CAGE1: variants seen among roughly 807,000 people sequenced by gnomAD.
CAGE1 encodes the protein cancer antigen 1, also known as cancer-associated gene 1 protein.
A neutral mutation model predicts 94.9 loss-of-function variants in CAGE1; 66 were observed. That is an observed-to-expected ratio of 0.70 (90% CI 0.57 to 0.85). The LOEUF is 0.85. Ranked by LOEUF, CAGE1 falls within the 40% of genes least tolerant of loss-of-function variation. The pLI is 0.00. For synonymous variants in CAGE1, 319 were observed against 321.0 expected (o/e 0.99, Z 0.07); for missense variants, 865 against 950.4 (o/e 0.91, Z 1.18).
intron 11 of CAGE1, chr6:7,340,837 C>G (rs928371376): frequency 7.3e-5 from 30 of 410,052 alleles, no homozygotes; most frequent in African/African-American, 6.1e-4. Context: ...GCTTCACTAG[C>G]AAAGCCTGCT....
chr6:7,337,243 C>T (rs1758985815), intron 11 of CAGE1, among the ~76,000 whole-genome samples: 1 of 149,100 alleles, frequency 6.7e-6, no homozygotes, highest in Non-Finnish European at 1.5e-5. Context: ...AGGAGAATCA[C>T]TTGAACCTGG....
At position 7,386,196 on chromosome 6, in the gene CAGE1, T is replaced by C. The variant is rs969782654; in HGVS notation, c.196-324A>G. The stretch of plus-strand genomic sequence containing the variant: ...ATAATTATTTGATGTTTATTAAATC[T>C]AGTCTAAACAGCATTAAGATGGTTA... On this transcript the variant is annotated intron_variant, in intron 2 of 13. Coordinates refer to ENST00000502583, the MANE Select transcript of CAGE1 (RefSeq NM_001170692.2). 5.7e-5 allele frequency among the ~76,000 whole-genome samples: 8 copies of C among 140,434 alleles called. No individual in the cohort carries two copies. In the East Asian group the frequency reaches 1.7e-3, roughly 29 times the overall value. 92.1% of individuals were successfully genotyped at this position (140,434 alleles called of 152,430 possible). A position where few individuals can be genotyped will look rare whatever the true frequency, so the allele number is the denominator to read the frequency against.
intron 11 of CAGE1, chr6:7,340,721 AG>A: frequency 4.4e-6 from 1 of 227,776 alleles, no homozygotes; most frequent in Non-Finnish European, 8.5e-6. Context: ...AATACACCCC[AG>A]GCTTCTGGAC....
intron 13 of CAGE1, 28 bp downstream of exon 13, chr6:7,329,821 C>G (rs1475284759): frequency 1.7e-6 from 2 of 1,182,358 alleles, no homozygotes; most frequent in Non-Finnish European, 2.5e-6. Context: ...ATGTAAGATT[C>G]TTTATCATGA....
chr6:7,376,389 AAAATAAATAAATAAAT>A (rs200068860), intron 4 of CAGE1, among the ~76,000 whole-genome samples: 1,611 of 141,644 alleles, frequency 0.011, 19 homozygotes, highest in South Asian at 0.029. Flanking sequence ...ACTCCATCTC[AAAATAAATAAATAAAT>A]AAATAAATAA....
At chr6:7,327,479 TG>T (rs1490180326) in intron 13 of CAGE1, among the ~76,000 whole-genome samples, 1 of 152,304 alleles carries the variant, frequency 6.6e-6, no homozygotes, top group Admixed American at 6.5e-5. Flanking sequence ...TTTGTTTGTT[TG>T]TTTCAACCTT....
Position 7,373,295 on chromosome 6 carries a change from T to G in CAGE1, c.1524A>C (p.Arg508Ser), listed in dbSNP as rs571770013. The change falls in exon 5 of 14, where the codon AGA becomes AGC. Residue 508 changes from arginine (R) to serine (S), a missense_variant. Arg to Ser is a moderately radical substitution (Grantham distance 110). Transcript: ENST00000502583. ...NLEERQKLKS[R>S]LEKLLTQVRN... ...TAACTTGAGTGAGCAATTTCTCAAG[T>G]CTAGATTTCAGTTTCTGTCTTTCTT... The G allele has an allele frequency of 6.2e-7, 1 of 1,605,356 alleles. No individual in the cohort carries two copies. The highest frequency in any genetic ancestry group is 1.3e-5 in the African/African-American group (1 of 74,688).
At chr6:7,346,317 T>TGC (rs1490308235) in intron 11 of CAGE1, among the ~76,000 whole-genome samples, 1 of 151,350 alleles carries the variant, frequency 6.6e-6, no homozygotes, top group East Asian at 2.0e-4. Flanking sequence ...CACTTTGGGA[T>TGC]GCCAAGGTGG....
At chr6:7,387,670 C>T (rs952383714) in intron 1 of CAGE1, among the ~76,000 whole-genome samples, 1 of 152,080 alleles carries the variant, frequency 6.6e-6, no homozygotes, top group African/African-American at 2.4e-5. Flanking sequence ...TGGCATCCCT[C>T]TACCTCATCA....
chr6:7,357,952 C>A (rs1760015542), intron 9 of CAGE1, among the ~76,000 whole-genome samples: 1 of 147,342 alleles, frequency 6.8e-6, no homozygotes, highest in Admixed American at 6.9e-5. Context: ...TGCCACCACA[C>A]CTGGCTAGTT....
chr6:7,386,833 G>A, intron 2 of CAGE1, 146 bp downstream of exon 2: 1 of 636,154 alleles, frequency 1.6e-6, no homozygotes, highest in Non-Finnish European at 2.7e-6. Context: ...GCGAAACTGG[G>A]AAAACCAGAC....
Position 7,365,856 on chromosome 6 carries a change from G to T in CAGE1, c.2033C>A (p.Thr678Asn). The T allele has an allele frequency of 7.2e-6, 11 of 1,536,770 alleles. No individual in the cohort carries two copies. Among genetic ancestry groups the T allele is most frequent in the Non-Finnish European group, 9.7e-6 (11 of 1,137,598 alleles). Residue 678 changes from threonine to asparagine, a missense_variant, in exon 8 of 14, where the codon ACC (threonine) becomes AAC (asparagine). Coordinates refer to ENST00000502583, the MANE Select transcript of CAGE1 (RefSeq NM_001170692.2). ...TTCCTTAGCAATTAACTCTCTAAAG[G>T]TTGTGATTCTATCTTTATGTTTCAG... is the stretch of plus-strand genomic sequence containing the variant. ...ELLKHKDRIT[T>N]FRELIAKEKA...
chr6:7,366,925 G>T (rs1265208637), intron 7 of CAGE1, among the ~76,000 whole-genome samples: 1 of 151,944 alleles, frequency 6.6e-6, no homozygotes, highest in Non-Finnish European at 1.5e-5. Context: ...CCAAATCTGG[G>T]CGTAATTTAT....
chr6:7,373,455 A>G lies in CAGE1; in HGVS notation c.1364T>C (p.Leu455Pro), dbSNP rs755531598. 119 of 1,613,600 alleles carry G rather than the reference A, an allele frequency of 7.4e-5. No individual in the cohort carries two copies. Among genetic ancestry groups the G allele is most frequent in the Non-Finnish European group, 9.2e-5 (109 of 1,179,828 alleles). ...TTCCAGTTCTTTTTTGAGTTGTTGT[A>G]GTCTCTCTACCTCTTCTTCTTTCTT... ...LSKKEEEVER[L>P]QQLKKELEKA... Residue 455 changes from leucine (L) to proline (P), a missense_variant, in exon 5 of 14, where the codon CTA becomes CCA. By Grantham distance (98) the Leu-to-Pro change is moderately conservative (BLOSUM62 -3). Transcript: ENST00000502583.
intron 2 of CAGE1, 72 bp downstream of exon 2, chr6:7,386,907 A>T: frequency 9.5e-7 from 1 of 1,052,236 alleles, no homozygotes; most frequent in Non-Finnish European, 1.4e-6. Context: ...AGTTTTGAAG[A>T]AATTTTCATA....
intron 9 of CAGE1, among the ~76,000 whole-genome samples, chr6:7,363,112 T>C (rs545111509): frequency 6.6e-6 from 1 of 152,116 alleles, no homozygotes; most frequent in South Asian, 2.1e-4. Flanking sequence ...CTACTAAAAA[T>C]ACAAAAAATT....
In CAGE1 at chr6:7,368,775, T is replaced by A. The variant is rs1245769868; in HGVS notation, c.1917A>T (p.Glu639Asp). The stretch of plus-strand genomic sequence containing the variant: ...TAACCTTCTCACTCTCTTTGAAATG[T>A]TCAGCATCAGAATTGATGATGTCCT... ...TCQDIINSDA[E>D]HFKESEKVSD... is the part of the protein sequence containing the mutation. The change falls in exon 7 of 14, where the codon GAA (glutamate) becomes GAT (aspartate). Residue 639 changes from glutamate to aspartate, a missense_variant. Transcript: ENST00000502583. The A allele has an allele frequency of 6.4e-7, 1 of 1,553,004 alleles. No homozygotes were observed. The highest frequency in any genetic ancestry group is 8.7e-7 in the Non-Finnish European group (1 of 1,148,226).
rs1337849273 is a variant in CAGE1 at position 7,365,875 on chromosome 6, G to A, written c.2014C>T (p.His672Tyr). 1 of 1,506,390 alleles carries A rather than the reference G, an allele frequency of 6.6e-7. No individual in the cohort carries two copies. The highest frequency in any genetic ancestry group is 1.4e-5 in the African/African-American group (1 of 71,490). The allele number at this position is 1,506,390 out of a possible 1,614,324, so 93.3% of individuals were successfully genotyped here. The change falls in exon 8 of 14, where the codon CAT (histidine) becomes TAT (tyrosine). Residue 672 changes from histidine (H) to tyrosine (Y), a missense_variant. His to Tyr is a moderately conservative substitution (Grantham distance 83, BLOSUM62 2). Coordinates refer to ENST00000502583, the MANE Select transcript of CAGE1 (RefSeq NM_001170692.2). The stretch of plus-strand genomic sequence containing the variant: ...CTAAAGGTTGTGATTCTATCTTTAT[G>A]TTTCAGTAGCTAAGAAAAGGAAAAC... ...KKTLDKELLK[H>Y]KDRITTFREL...
intron 11 of CAGE1, among the ~76,000 whole-genome samples, chr6:7,350,119 A>G (rs1216970196): frequency 1.3e-5 from 2 of 152,182 alleles, no homozygotes; most frequent in Non-Finnish European, 2.9e-5. Context: ...TTCTTATATC[A>G]GACAAAACAA....
Sources: allele counts gnomAD v4.1 joint callset (sites outside exome capture counted in the v4.1 genomes callset), GRCh38; gene constraint gnomAD v4.1.1; transcripts MANE v1.5; gene names NCBI Gene and HGNC (gene_info 2026-07-23, HGNC 2026-07-21).